UPB1: variants seen among roughly 807,000 people sequenced by gnomAD.
The protein encoded by UPB1 is beta-ureidopropionase 1.
In UPB1, 40 loss-of-function variants were observed where a neutral mutation model predicts 49.1. That is an observed-to-expected ratio of 0.81 (90% CI 0.63 to 1.06). The LOEUF (loss-of-function observed/expected upper bound fraction) is 1.06. Among genes scored for constraint, UPB1 ranks in the 50% least tolerant of loss-of-function variants. The pLI is 0.00. For synonymous variants in UPB1, 207 were observed against 198.2 expected (o/e 1.04, Z -0.38); for missense variants, 499 against 505.9 (o/e 0.99, Z 0.13).
chr22:24,511,616 A>ATTTTT (rs758257120), intron 4 of UPB1, among the ~76,000 whole-genome samples: 137 of 125,088 alleles, frequency 1.1e-3, no homozygotes, highest in East Asian at 4.3e-3. Flanking sequence ...ATATATATAT[A>ATTTTT]TATTTTTTTT....
chr22:24,524,124 A>G (rs921734849), intron 9 of UPB1, among the ~76,000 whole-genome samples: 1 of 152,178 alleles, frequency 6.6e-6, no homozygotes, highest in African/African-American at 2.4e-5. Context: ...CAAGATAAAT[A>G]TGCATGTCTG....
intron 3 of UPB1, 38 bp downstream of exon 3, chr22:24,502,251 A>C: frequency 1.3e-6 from 2 of 1,588,670 alleles, no homozygotes; most frequent in African/African-American, 2.7e-5. Context: ...GCTGCCTTCA[A>C]ACAATTGTGT....
intron 9 of UPB1, among the ~76,000 whole-genome samples, chr22:24,525,391 C>A (rs759603613): frequency 2.0e-5 from 3 of 152,160 alleles, no homozygotes; most frequent in Non-Finnish European, 2.9e-5. Flanking sequence ...GCAGGTCACT[C>A]CTCTCTGGGC....
chr22:24,513,631 G>A, intron 5 of UPB1, 146 bp downstream of exon 5: 4 of 1,182,414 alleles, frequency 3.4e-6, no homozygotes, highest in Non-Finnish European at 4.8e-6. Context: ...TGTGGCTGCA[G>A]TGCTCAGAGG....
rs141513627 is a variant in UPB1 at position 24,507,068 on chromosome 22, T to C, written c.365-3681T>C. 2.9e-4 allele frequency among the ~76,000 whole-genome samples: 44 copies of C among 152,360 alleles called. No homozygotes were observed. The East Asian group carries it at 6.7e-3, about 23-fold the overall frequency. Reference sequence around the variant, plus strand: ...AGTTGAAGAACTGTAGTTGGGACTTTGCAGCCAGCCTCACCCAACCTCACT... The same window carrying C: ...AGTTGAAGAACTGTAGTTGGGACTTCGCAGCCAGCCTCACCCAACCTCACT... On this transcript the variant is annotated intron_variant, in intron 3 of 9. Coordinates refer to ENST00000326010, the MANE Select transcript of UPB1 (RefSeq NM_016327.3).
Position 24,519,983 on chromosome 22 carries a change from A to G in UPB1, c.792-404A>G, listed in dbSNP as rs2298384. The G allele has an allele frequency of 3.9e-4, 113 of 287,006 alleles. No homozygotes were observed. The East Asian group carries it at 0.01, about 26-fold the overall frequency. 17.8% of individuals were successfully genotyped at this position (287,006 alleles called of 1,614,324 possible). ...GGGAAGTGGTGGTTATGGAACTCCT[A>G]CCACTTGGATCTTCACCTGCATGGT... On this transcript the variant is annotated intron_variant, in intron 6 of 9. Coordinates refer to ENST00000326010, the MANE Select transcript of UPB1 (RefSeq NM_016327.3).
intron 3 of UPB1, among the ~76,000 whole-genome samples, chr22:24,507,159 T>G (rs1027544960): frequency 1.3e-5 from 2 of 152,248 alleles, no homozygotes; most frequent in Admixed American, 1.3e-4. Flanking sequence ...AAGAAGCTGC[T>G]TATTCTCTGG....
chr22:24,502,701 A>C, intron 3 of UPB1: 1 of 592,184 alleles, frequency 1.7e-6, no homozygotes, highest in Non-Finnish European at 3.0e-6. Context: ...TATTATCCCC[A>C]GCATCAACAC....
chr22:24,526,233 T>C lies in UPB1; in HGVS notation c.*439T>C. 3.7e-6 allele frequency: 1 copy of C among 271,858 alleles called. No homozygotes were observed. Among genetic ancestry groups the C allele is most frequent in the Non-Finnish European group, 7.3e-6 (1 of 137,422 alleles). The allele number at this position is 271,858 out of a possible 1,614,324, so 16.8% of individuals were successfully genotyped here. ...TGTGGTGGGTCGGATGGTCTTTGGATGTGTCAGCTTAGCTAGGCCACAGTC... is the reference window on the plus strand; with the variant it reads ...TGTGGTGGGTCGGATGGTCTTTGGACGTGTCAGCTTAGCTAGGCCACAGTC... On this transcript the variant is annotated 3_prime_UTR_variant, in exon 10 of 10. Transcript: ENST00000326010.
At chr22:24,513,229 C>G in intron 4 of UPB1, 95 bp from the exon 5 acceptor site, 1 of 1,585,310 alleles carries the variant, frequency 6.3e-7, no homozygotes, top group Non-Finnish European at 8.6e-7. Flanking sequence ...TGCTCTGACC[C>G]AAGCCTATTG....
chr22:24,509,364 A>G (rs1051346568), intron 3 of UPB1, among the ~76,000 whole-genome samples: 31 of 18,214 alleles, frequency 1.7e-3, no homozygotes, highest in African/African-American at 6.3e-3. Flanking sequence ...ACTGTTTGAA[A>G]AAAAAAAAAA....
rs758158407 is a variant in UPB1 at position 24,520,354 on chromosome 22, G to A, written c.792-33G>A. On this transcript the variant is annotated intron_variant, in intron 6 of 9. Transcript: ENST00000326010. Reference sequence around the variant, plus strand: ...ATCCACTGAGTCTGCCTGGAAAGTCGGCAACCTGGTTCCTCTTGGTCCTCT... The same window carrying A: ...ATCCACTGAGTCTGCCTGGAAAGTCAGCAACCTGGTTCCTCTTGGTCCTCT... 3.4e-5 allele frequency: 55 copies of A among 1,612,584 alleles called. 1 individual carries two copies. Among genetic ancestry groups the A allele is most frequent in the South Asian group, 6.6e-5 (6 of 90,808 alleles).
At chr22:24,495,697 G>A (rs1183729509) in intron 1 of UPB1, among the ~76,000 whole-genome samples, 190 bp downstream of exon 1, 1 of 152,104 alleles carries the variant, frequency 6.6e-6, no homozygotes, top group Non-Finnish European at 1.5e-5. Context: ...CAGAATCCTG[G>A]CGTGACCTTT....
At chr22:24,521,003 C>T (rs1443676590) in intron 7 of UPB1, among the ~76,000 whole-genome samples, 1 of 151,494 alleles carries the variant, frequency 6.6e-6, no homozygotes, top group East Asian at 1.9e-4. Flanking sequence ...GCCAGTGTGG[C>T]AAAACCCTGT....
At position 24,508,010 on chromosome 22, in the gene UPB1, C is replaced by T. The variant is rs188775577; in HGVS notation, c.365-2739C>T. Among the ~76,000 whole-genome samples, 282 of 152,274 alleles carry T rather than the reference C, an allele frequency of 1.9e-3. 1 individual carries two copies. Among genetic ancestry groups the T allele is most frequent in the African/African-American group, 6.5e-3 (269 of 41,530 alleles). The stretch of plus-strand genomic sequence containing the variant: ...ACCGGATTTCTCTTGGTTCAGACTC[C>T]CCTGGCCCCCTCCGCCGTATGGGGG... On this transcript the variant is annotated intron_variant, in intron 3 of 9. Transcript: ENST00000326010.
intron 1 of UPB1, among the ~76,000 whole-genome samples, chr22:24,495,805 C>T (rs990809063): frequency 1.3e-5 from 2 of 152,184 alleles, no homozygotes; most frequent in East Asian, 1.9e-4. Context: ...CCCTCCTCCC[C>T]GGAGCCGGGC....
intron 3 of UPB1, among the ~76,000 whole-genome samples, chr22:24,504,638 CCT>C (rs1345778523): frequency 1.3e-5 from 2 of 151,764 alleles, no homozygotes; most frequent in African/African-American, 4.8e-5. Flanking sequence ...ATTATTTTCC[CCT>C]CTTTTTTTCT....
intron 4 of UPB1, among the ~76,000 whole-genome samples, chr22:24,511,676 C>T (rs7290860): frequency 0.026 from 3,816 of 145,822 alleles, 169 homozygotes; most frequent in African/African-American, 0.09. Context: ...TGCAGTGGCA[C>T]GATCTCGGTT....
At chr22:24,522,955 A>C (rs1031347316) in intron 8 of UPB1, among the ~76,000 whole-genome samples, 2 of 151,086 alleles carry the variant, frequency 1.3e-5, no homozygotes, top group African/African-American at 4.9e-5. Flanking sequence ...AAAAAAAAAA[A>C]AAAAAAAAAA....
Sources: gnomAD v4.1 joint callset for allele counts (sites outside exome capture counted in the v4.1 genomes callset) on GRCh38, gnomAD v4.1.1 for gene constraint, MANE v1.5 for transcripts, NCBI Gene and HGNC (gene_info 2026-07-23, HGNC 2026-07-21) for gene names.